The following RHOJ variants were observed in gnomAD, a reference collection of about 807,000 sequenced individuals.
RHOJ encodes the protein rho-related GTP-binding protein RhoJ.
RHOJ carries 11 observed loss-of-function variants against 23.4 expected under a neutral mutation model. The observed-to-expected ratio is 0.47, with a 90% CI of 0.30 to 0.78. The LOEUF (loss-of-function observed/expected upper bound fraction) is 0.78, where lower values mean the gene tolerates loss of function less well. Among genes scored for constraint, RHOJ ranks in the 30% least tolerant of loss-of-function variants. The pLI, the probability that RHOJ is intolerant of heterozygous loss-of-function variation, is 0.08. For synonymous variants in RHOJ, 102 were observed against 102.7 expected (o/e 0.99, Z 0.04); for missense variants, 254 against 273.4 (o/e 0.93, Z 0.50).
At chr14:63,218,490 T>C (rs1894413743) in intron 1 of RHOJ, among the ~76,000 whole-genome samples, 2 of 152,226 alleles carry the variant, frequency 1.3e-5, no homozygotes, top group African/African-American at 4.8e-5. Context: ...TAGTAATGAA[T>C]ATGGTATCAT....
chr14:63,228,268 T>C (rs939309182), intron 1 of RHOJ, among the ~76,000 whole-genome samples: 2 of 152,222 alleles, frequency 1.3e-5, no homozygotes, highest in African/African-American at 4.8e-5. Context: ...TGATTGATGG[T>C]GGGAATGTAA....
At chr14:63,248,211 T>C (rs1242306277) in intron 1 of RHOJ, among the ~76,000 whole-genome samples, 1 of 152,234 alleles carries the variant, frequency 6.6e-6, no homozygotes, top group African/African-American at 2.4e-5. Flanking sequence ...TATTTTCTTT[T>C]ATAATACAGT....
At chr14:63,210,346 C>T (rs981296749) in intron 1 of RHOJ, among the ~76,000 whole-genome samples, 7 of 152,144 alleles carry the variant, frequency 4.6e-5, no homozygotes, top group Non-Finnish European at 1.0e-4. Flanking sequence ...CTTGGGATTC[C>T]TTCATCTACA....
intron 4 of RHOJ, among the ~76,000 whole-genome samples, chr14:63,287,894 TA>T (rs1280194248): frequency 6.6e-6 from 1 of 152,184 alleles, no homozygotes; most frequent in African/African-American, 2.4e-5. Flanking sequence ...GTTGCTGCTG[TA>T]ATAAGGGCCA....
At chr14:63,270,094 G>A (rs1055437241) in intron 2 of RHOJ, among the ~76,000 whole-genome samples, 1 of 151,006 alleles carries the variant, frequency 6.6e-6, no homozygotes, top group Admixed American at 6.6e-5. Context: ...ATTCTTTGGA[G>A]TGAACATTTT....
intron 1 of RHOJ, among the ~76,000 whole-genome samples, chr14:63,216,678 G>A (rs1486423355): frequency 1.3e-5 from 2 of 152,046 alleles, no homozygotes; most frequent in Admixed American, 6.6e-5. Context: ...AATTCAAGCT[G>A]GTAAATAAGA....
intron 1 of RHOJ, among the ~76,000 whole-genome samples, chr14:63,260,019 A>G (rs1267104756): frequency 6.6e-6 from 1 of 152,252 alleles, no homozygotes; most frequent in African/African-American, 2.4e-5. Context: ...TATTGTAATC[A>G]TATGGAAAAG....
chr14:63,275,829 T>C (rs1188708190), intron 2 of RHOJ, among the ~76,000 whole-genome samples: 3 of 152,142 alleles, frequency 2.0e-5, no homozygotes, highest in Non-Finnish European at 2.9e-5. Context: ...CCTGTTACCA[T>C]CTAACCCAGG....
intron 1 of RHOJ, among the ~76,000 whole-genome samples, chr14:63,268,803 C>T (rs1895413376): frequency 6.6e-6 from 1 of 152,166 alleles, no homozygotes; most frequent in Non-Finnish European, 1.5e-5. Flanking sequence ...TCTTTTTCAT[C>T]AGAAGCTTGG....
chr14:63,284,202 T>C (rs1221998825), intron 4 of RHOJ: 9 of 983,618 alleles, frequency 9.1e-6, no homozygotes, highest in Non-Finnish European at 9.7e-6. Context: ...TAAATCTTGC[T>C]TGCAGGCACT....
At chr14:63,274,091 G>A (rs563421766) in intron 2 of RHOJ, among the ~76,000 whole-genome samples, 91 of 152,286 alleles carry the variant, frequency 6.0e-4, no homozygotes, top group African/African-American at 2.0e-3. Context: ...AAGGAAGCAC[G>A]CAACCAAGCA....
At chr14:63,209,024 T>G (rs533267002) in intron 1 of RHOJ, among the ~76,000 whole-genome samples, 1 of 152,158 alleles carries the variant, frequency 6.6e-6, no homozygotes, top group South Asian at 2.1e-4. Flanking sequence ...TTTGACAACA[T>G]TCCCCTCCCT....
intron 1 of RHOJ, among the ~76,000 whole-genome samples, chr14:63,205,496 A>T (rs1334752415): frequency 3.9e-5 from 6 of 152,210 alleles, no homozygotes; most frequent in Non-Finnish European, 5.9e-5. Flanking sequence ...TATAAATGAA[A>T]ATGCTAAGAT....
At chr14:63,286,937 GTTCTTT>G (rs561249719) in intron 4 of RHOJ, among the ~76,000 whole-genome samples, 383 of 152,236 alleles carry the variant, frequency 2.5e-3, no homozygotes, top group African/African-American at 8.7e-3. Context: ...AACCTGTTTG[GTTCTTT>G]TTCTTTTTCT....
Position 63,269,119 on chromosome 14 carries a change from C to T in RHOJ, c.188C>T (p.Thr63Ile). Reference sequence around the variant, plus strand: ...TTCTCTTCTCCCCTAGTTACTGTGACTGTGGGAGGCAAGCAACACTTGCTC... The same window carrying T: ...TTCTCTTCTCCCCTAGTTACTGTGATTGTGGGAGGCAAGCAACACTTGCTC... ...TVFDHYAVTV[T>I]VGGKQHLLGL... Residue 63 changes from threonine (T) to isoleucine (I), a missense_variant, in exon 2 of 5, where the codon ACT (threonine) becomes ATT (isoleucine). Transcript: ENST00000316754. 1 of 1,612,440 alleles carries T rather than the reference C, an allele frequency of 6.2e-7. No individual in the cohort carries two copies. The highest frequency in any genetic ancestry group is 8.5e-7 in the Non-Finnish European group (1 of 1,178,608).
At chr14:63,211,328 A>G (rs1018146350) in intron 1 of RHOJ, among the ~76,000 whole-genome samples, 6 of 152,232 alleles carry the variant, frequency 3.9e-5, no homozygotes, top group Non-Finnish European at 2.9e-5. Flanking sequence ...GACACCCGAG[A>G]GTCTCTCATA....
intron 1 of RHOJ, among the ~76,000 whole-genome samples, chr14:63,219,292 T>TA (rs762586455): frequency 1.1e-3 from 166 of 151,954 alleles, no homozygotes; most frequent in Middle Eastern, 6.8e-3. Context: ...ATTTGTTCAG[T>TA]AAAAAAAAGT....
chr14:63,236,543 CA>C (rs956563805), intron 1 of RHOJ, among the ~76,000 whole-genome samples: 2 of 152,124 alleles, frequency 1.3e-5, no homozygotes, highest in Non-Finnish European at 2.9e-5. Context: ...ACTCATTCAA[CA>C]CCACAAGAAC....
intron 1 of RHOJ, among the ~76,000 whole-genome samples, chr14:63,240,548 G>A (rs1305945422): frequency 6.6e-6 from 1 of 152,162 alleles, no homozygotes; most frequent in Non-Finnish European, 1.5e-5. Flanking sequence ...GAAGAGAAAT[G>A]TGAATAAATA....
Sources: gnomAD v4.1 joint callset for allele counts (sites outside exome capture counted in the v4.1 genomes callset) on GRCh38, gnomAD v4.1.1 for gene constraint, MANE v1.5 for transcripts, NCBI Gene and HGNC (gene_info 2026-07-23, HGNC 2026-07-21) for gene names.